The following HSPH1 variants were observed in gnomAD, a reference collection of about 807,000 sequenced individuals.
HSPH1 encodes the protein heat shock protein family H (Hsp110) member 1, also known as heat shock protein 105 kDa.
A neutral mutation model predicts 100.0 loss-of-function variants in HSPH1; 40 were observed. The observed-to-expected ratio is 0.40, with a 90% CI of 0.31 to 0.52. The LOEUF (loss-of-function observed/expected upper bound fraction) is 0.52, where lower values mean the gene tolerates loss of function less well. Among genes scored for constraint, HSPH1 ranks in the 20% least tolerant of loss-of-function variants. The probability of loss-of-function intolerance (pLI) is 0.54; values close to 1 mark genes in which losing one functional copy is unlikely to be tolerated. For missense variants in HSPH1, 876 were observed against 1,015.1 expected (o/e 0.86, Z 1.86); for synonymous variants, 403 against 344.0 (o/e 1.17, Z -1.90).
chr13:31,148,247 G>A, intron 9 of HSPH1, 127 bp downstream of exon 9: 1 of 1,039,236 alleles, frequency 9.6e-7, no homozygotes, highest in Non-Finnish European at 1.4e-6. Context: ...AGATTTGGTT[G>A]TTCAAAGATT....
At position 31,152,909 on chromosome 13, in the gene HSPH1, C is replaced by T. The variant is rs767775010; in HGVS notation, c.472G>A (p.Asp158Asn). 16 of 1,612,802 alleles carry T rather than the reference C, an allele frequency of 9.9e-6. No individual in the cohort carries two copies. In the South Asian group the frequency reaches 1.8e-4, roughly 18 times the overall value. Residue 158 changes from aspartate to asparagine, a missense_variant, in exon 5 of 18, where the codon GAT (aspartate) becomes AAT (asparagine). By Grantham distance (23) the Asp-to-Asn change is conservative. Coordinates refer to ENST00000320027, the MANE Select transcript of HSPH1 (RefSeq NM_006644.4). ...FTDAERRSVL[D>N]AAQIVGLNCL... ...TTTAGGCCAACAATCTGTGCAGCATCTAACACAGATCGCCTCTCAGCATCT... is the reference window on the plus strand; with the variant it reads ...TTTAGGCCAACAATCTGTGCAGCATTTAACACAGATCGCCTCTCAGCATCT...
intron 6 of HSPH1, 95 bp downstream of exon 6, chr13:31,151,514 T>G (rs1374384741): frequency 8.4e-7 from 1 of 1,187,162 alleles, no homozygotes; most frequent in Non-Finnish European, 1.2e-6. Context: ...AAACTCTTCA[T>G]TACCAAGAAG....
intron 13 of HSPH1, 21 bp from the exon 14 acceptor site, chr13:31,140,330 TTAA>T: frequency 6.2e-7 from 1 of 1,602,898 alleles, no homozygotes; most frequent in African/African-American, 1.3e-5. Flanking sequence ...ACAGGAAAGG[TTAA>T]TTCCAGTCTT....
chr13:31,143,989 A>G, intron 11 of HSPH1, 66 bp from the exon 12 acceptor site: 3 of 1,315,210 alleles, frequency 2.3e-6, no homozygotes, highest in Non-Finnish European at 3.0e-6. Context: ...TTTTAAAGTT[A>G]AAGGGCACCA....
Position 31,145,637 on chromosome 13 carries a change from C to T in HSPH1, c.1510G>A (p.Glu504Lys), listed in dbSNP as rs1956240224. ...GCTTCAGAAGACATTTCATTCTCCT[C>T]AGTTGGGACTTTCTCCACCATAGAT... ...TASMVEKVPTEENEMSSEADM... is the reference protein window; with the variant it reads ...TASMVEKVPTKENEMSSEADM... The change falls in exon 11 of 18, where the codon GAG becomes AAG. Residue 504 changes from glutamate (E) to lysine (K), a missense_variant. Transcript: ENST00000320027. 6.2e-7 allele frequency: 1 copy of T among 1,613,640 alleles called. No homozygotes were observed. Among genetic ancestry groups the T allele is most frequent in the Admixed American group, 1.7e-5 (1 of 59,914 alleles).
At chr13:31,155,269 C>T (rs1956641839) in intron 3 of HSPH1, among the ~76,000 whole-genome samples, 1 of 152,040 alleles carries the variant, frequency 6.6e-6, no homozygotes, top group Admixed American at 6.5e-5. Flanking sequence ...ATCAAATAAA[C>T]CTAAATTTTA....
intron 12 of HSPH1, among the ~76,000 whole-genome samples, chr13:31,143,266 T>TAA (rs1381405927): frequency 6.6e-5 from 10 of 152,138 alleles, no homozygotes; most frequent in African/African-American, 2.4e-4. Context: ...CATCACTATT[T>TAA]AAGTTAGCTT....
chr13:31,139,180 C>T, intron 14 of HSPH1, 73 bp from the exon 15 acceptor site: 1 of 939,656 alleles, frequency 1.1e-6, no homozygotes, highest in South Asian at 1.3e-5. Context: ...AAGAGGTATT[C>T]TCACACTAGG....
intron 12 of HSPH1, among the ~76,000 whole-genome samples, 188 bp from the exon 13 acceptor site, chr13:31,141,447 T>C (rs1956086617): frequency 6.6e-6 from 1 of 152,072 alleles, no homozygotes; most frequent in Non-Finnish European, 1.5e-5. Flanking sequence ...AAATATGCCA[T>C]ACCTTCCTTC....
intron 12 of HSPH1, among the ~76,000 whole-genome samples, chr13:31,142,748 A>G (rs558887187): frequency 6.6e-6 from 1 of 152,242 alleles, no homozygotes; most frequent in East Asian, 1.9e-4. Flanking sequence ...AGGAGCATGA[A>G]TGAGATCCTA....
intron 3 of HSPH1, among the ~76,000 whole-genome samples, chr13:31,155,193 C>A (rs1428588067): frequency 1.3e-5 from 2 of 152,178 alleles, no homozygotes; most frequent in Non-Finnish European, 2.9e-5. Context: ...CAAACAACTG[C>A]AACTGGGCTG....
At chr13:31,161,032 T>A (rs573340864) in intron 1 of HSPH1, among the ~76,000 whole-genome samples, 2 of 152,094 alleles carry the variant, frequency 1.3e-5, no homozygotes, top group Non-Finnish European at 2.9e-5. Context: ...CGCAAAGATA[T>A]GCGCGAAGGG....
At chr13:31,144,972 T>C (rs1956218622) in intron 11 of HSPH1, among the ~76,000 whole-genome samples, 1 of 152,174 alleles carries the variant, frequency 6.6e-6, no homozygotes, top group Non-Finnish European at 1.5e-5. Context: ...AGTTATTCCC[T>C]AGAAATAAAC....
At chr13:31,144,609 G>T (rs1271863373) in intron 11 of HSPH1, among the ~76,000 whole-genome samples, 2 of 152,006 alleles carry the variant, frequency 1.3e-5, no homozygotes, top group Non-Finnish European at 2.9e-5. Flanking sequence ...GTGCTTGCTT[G>T]ATCTTTACCC....
At chr13:31,151,904 GAATT>G (rs1048440177) in intron 5 of HSPH1, 162 bp from the exon 6 acceptor site, 35 of 585,312 alleles carry the variant, frequency 6.0e-5, no homozygotes, top group East Asian at 1.2e-4. Flanking sequence ...GATTTTCTTG[GAATT>G]AATTATTACT....
intron 12 of HSPH1, among the ~76,000 whole-genome samples, chr13:31,141,894 T>G (rs1221226888): frequency 4.0e-5 from 6 of 151,884 alleles, no homozygotes; most frequent in African/African-American, 1.5e-4. Context: ...TAAAAAGAGA[T>G]GAGTCTTAAA....
intron 12 of HSPH1, among the ~76,000 whole-genome samples, chr13:31,143,319 G>C (rs982791859): frequency 3.9e-5 from 6 of 152,064 alleles, no homozygotes; most frequent in African/African-American, 1.4e-4. Flanking sequence ...TAATTACCTT[G>C]AAGTGCAATC....
chr13:31,142,935 C>T (rs1956148321), intron 12 of HSPH1, among the ~76,000 whole-genome samples: 1 of 152,038 alleles, frequency 6.6e-6, no homozygotes, highest in African/African-American at 2.4e-5. Context: ...AGAGTCAGGA[C>T]CCATAGCTCA....
rs148776186 is a variant in HSPH1, at chr13:31,137,026, T to C, written c.*292A>G. The C allele has an allele frequency of 8.2e-4, 425 of 516,932 alleles. No homozygotes were observed. The highest frequency in any genetic ancestry group is 2.0e-3 in the Admixed American group (68 of 34,716). 32.0% of individuals were successfully genotyped at this position (516,932 alleles called of 1,614,324 possible). ...CTTGAACAAGCAGTACAGTTTTTTT[T>C]CTCCAAAAGACAAAAGTCAGTTTCA... On this transcript the variant is annotated 3_prime_UTR_variant, in exon 18 of 18. Coordinates refer to ENST00000320027, the MANE Select transcript of HSPH1 (RefSeq NM_006644.4).
Sources: gnomAD v4.1 joint callset for allele counts (sites outside exome capture counted in the v4.1 genomes callset) on GRCh38, gnomAD v4.1.1 for gene constraint, MANE v1.5 for transcripts, NCBI Gene and HGNC (gene_info 2026-07-23, HGNC 2026-07-21) for gene names.